MYO7A: variants seen among roughly 807,000 people sequenced by gnomAD.
The protein encoded by MYO7A is unconventional myosin-VIIa.
MYO7A carries 210 observed loss-of-function variants against 263.8 expected under a neutral mutation model. That is an observed-to-expected ratio of 0.80 (90% CI 0.71 to 0.89). The LOEUF (loss-of-function observed/expected upper bound fraction) is 0.89. Among genes scored for constraint, MYO7A ranks in the 40% least tolerant of loss-of-function variants. The pLI is 0.00. For missense variants in MYO7A, 2,820 were observed against 2,968.3 expected (o/e 0.95, Z 1.16); for synonymous variants, 1,239 against 1,197.3 (o/e 1.03, Z -0.72).
intron 4 of MYO7A, among the ~76,000 whole-genome samples, chr11:77,149,260 T>C (rs921874173): frequency 6.6e-5 from 10 of 152,166 alleles, no homozygotes; most frequent in African/African-American, 2.4e-4. Flanking sequence ...GCTGGCCTGA[T>C]TATCTCGAGA....
chr11:77,153,223 G>A (rs937860367), intron 4 of MYO7A, among the ~76,000 whole-genome samples: 1 of 152,128 alleles, frequency 6.6e-6, no homozygotes, highest in Non-Finnish European at 1.5e-5. Flanking sequence ...CCAGGGAGGC[G>A]GCATGCAGAT....
Position 77,203,134 on chromosome 11 carries a change from C to T in MYO7A, c.5243C>T (p.Thr1748Met), listed in dbSNP as rs752373714. 14 of 1,550,336 alleles carry T rather than the reference C, an allele frequency of 9.0e-6. No individual in the cohort carries two copies. The highest frequency in any genetic ancestry group is 4.1e-5 in the African/African-American group (3 of 73,072). ...GGCAAGGACCGGCTGTGGAGCCACA[C>T]GCGGGAACCGCTCAAGCAGGCGCTG... ...ARGKDRLWSH[T>M]REPLKQALLK... The change falls in exon 38 of 49, where the codon ACG (threonine) becomes ATG (methionine). Residue 1748 changes from threonine (T) to methionine (M), a missense_variant. By Grantham distance (81) the Thr-to-Met change is moderately conservative (BLOSUM62 -1). Coordinates refer to ENST00000409709, the MANE Select transcript of MYO7A (RefSeq NM_000260.4).
intron 16 of MYO7A, 22 bp from the exon 17 acceptor site, chr11:77,174,734 C>A (rs1209518140): frequency 5.1e-6 from 8 of 1,562,480 alleles, no homozygotes; most frequent in Non-Finnish European, 6.9e-6. Flanking sequence ...GGCCCTGATG[C>A]CCTTGGCTGT....
chr11:77,152,569 G>C (rs558669543), intron 4 of MYO7A, among the ~76,000 whole-genome samples: 1 of 152,120 alleles, frequency 6.6e-6, no homozygotes, highest in African/African-American at 2.4e-5. Flanking sequence ...ATTGATATCC[G>C]GGGCCTGGAG....
rs573764253 is a variant in MYO7A, at chr11:77,154,611, C to T, written c.286-1296C>T. On this transcript the variant is annotated intron_variant, in intron 4 of 48. Coordinates refer to ENST00000409709, the MANE Select transcript of MYO7A (RefSeq NM_000260.4). ...CTGCCTGCTTGGCCTGGCTGCTCCC[C>T]TCCAGCCTCCCGCCCCCACCCCACC... Among the ~76,000 whole-genome samples, 7 of 152,232 alleles carry T rather than the reference C, an allele frequency of 4.6e-5. No individual in the cohort carries two copies. In the East Asian group the frequency reaches 1.2e-3, roughly 25 times the overall value.
chr11:77,162,445 A>T, intron 13 of MYO7A, 115 bp downstream of exon 13: 1 of 1,056,304 alleles, frequency 9.5e-7, no homozygotes, highest in Non-Finnish European at 1.4e-6. Context: ...CCACCTCTCA[A>T]GTTGGCTCAG....
Position 77,160,286 on chromosome 11 carries a change from G to A in MYO7A, c.1200+4G>A. 3 of 1,556,430 alleles carry A rather than the reference G, an allele frequency of 1.9e-6. No individual in the cohort carries two copies. The highest frequency in any genetic ancestry group is 2.6e-6 in the Non-Finnish European group (3 of 1,151,016). On this transcript the variant is annotated splice_donor_region_variant and intron_variant, in intron 11 of 48. Transcript: ENST00000409709. ...CGTGCGCGACGCCTTCGTAAAGGTG[G>A]GCTGGAGGGAAGGGGCCGCTTGCTC...
chr11:77,172,817 C>A lies in MYO7A; in HGVS notation c.1867C>A (p.Arg623Ser), dbSNP rs142989331. 1 of 1,553,812 alleles carries A rather than the reference C, an allele frequency of 6.4e-7. No homozygotes were observed. Among genetic ancestry groups the A allele is most frequent in the South Asian group, 1.2e-5 (1 of 84,108 alleles). Reference protein sequence around the residue: ...QFKRSLELLMRTLGACQPFFV... With the variant: ...QFKRSLELLMSTLGACQPFFV... ...CAAGCGGTCACTGGAGCTGCTGATG[C>A]GCACGCTGGGTGCCTGCCAGCCCTT... Residue 623 changes from arginine (R) to serine (S), a missense_variant, in exon 16 of 49, where the codon CGC (arginine) becomes AGC (serine). Transcript: ENST00000409709.
Position 77,162,334 on chromosome 11 carries a change from G to A in MYO7A, c.1554+4G>A, listed in dbSNP as rs781937613. ...TGAGGAGAGCAAGTTCCCCAAGGTG[G>A]GCCGGTCCTGCTGCCGCCTCCCAGG... On this transcript the variant is annotated splice_donor_region_variant and intron_variant, in intron 13 of 48. Transcript: ENST00000409709. 3.0e-5 allele frequency: 46 copies of A among 1,551,132 alleles called. No homozygotes were observed. The South Asian group carries it at 4.9e-4, about 16-fold the overall frequency.
intron 29 of MYO7A, among the ~76,000 whole-genome samples, chr11:77,190,362 G>A (rs1027373932): frequency 6.6e-6 from 1 of 152,192 alleles, no homozygotes; most frequent in African/African-American, 2.4e-5. Context: ...CGGTCAAGAC[G>A]ACTTGGGCAA....
intron 7 of MYO7A, 41 bp from the exon 8 acceptor site, chr11:77,157,238 C>A (rs1555063700): frequency 2.6e-6 from 4 of 1,515,348 alleles, no homozygotes; most frequent in Middle Eastern, 1.7e-4. Flanking sequence ...CCTCCTCTGG[C>A]CCTCCTCCCC....
rs1389773542 is a variant in MYO7A at position 77,202,215 on chromosome 11, T to C, written c.5044-85T>C. Reference sequence around the variant, plus strand: ...CATACCCCTGAAGAGTCTCCCAGAGTCCAGAAGGCTTCAGGGTATACCATG... The same window carrying C: ...CATACCCCTGAAGAGTCTCCCAGAGCCCAGAAGGCTTCAGGGTATACCATG... On this transcript the variant is annotated intron_variant, in intron 36 of 48. Coordinates refer to ENST00000409709, the MANE Select transcript of MYO7A (RefSeq NM_000260.4). The C allele has an allele frequency of 8.9e-6, 13 of 1,456,822 alleles. No homozygotes were observed. In the African/African-American group the frequency reaches 1.7e-4, roughly 19 times the overall value. 90.2% of individuals were successfully genotyped at this position (1,456,822 alleles called of 1,614,324 possible).
chr11:77,172,206 C>T (rs1215086551), intron 15 of MYO7A, among the ~76,000 whole-genome samples: 1 of 152,240 alleles, frequency 6.6e-6, no homozygotes, highest in African/African-American at 2.4e-5. Flanking sequence ...CTTGTCACAG[C>T]CTGGTCAGAT....
intron 19 of MYO7A, 95 bp downstream of exon 19, chr11:77,177,738 G>A: frequency 1.0e-5 from 10 of 982,406 alleles, no homozygotes; most frequent in Admixed American, 4.3e-5. Context: ...TGAACACTAG[G>A]AAAAAAACGT....
intron 8 of MYO7A, 43 bp downstream of exon 8, chr11:77,157,435 A>G: frequency 7.3e-7 from 1 of 1,376,136 alleles, no homozygotes; most frequent in Non-Finnish European, 1.0e-6. Context: ...CACCCACCCT[A>G]GGATTGTAGG....
Position 77,208,415 on chromosome 11 carries a change from TG to T in MYO7A, c.5857-13del. The T allele has an allele frequency of 1.9e-6, 3 of 1,593,988 alleles. No homozygotes were observed. The highest frequency in any genetic ancestry group is 2.6e-6 in the Non-Finnish European group (3 of 1,162,874). On this transcript the variant is annotated splice_polypyrimidine_tract_variant and intron_variant, in intron 42 of 48. Transcript: ENST00000409709. ...GTTGCTTAAACTGAGTGTGCTTCGA[TG>T]GCCCTGACCCCAGGTCCTCAGCGTT...
At chr11:77,160,571 G>A (rs1952899734) in intron 11 of MYO7A, among the ~76,000 whole-genome samples, 1 of 152,158 alleles carries the variant, frequency 6.6e-6, no homozygotes, top group Admixed American at 6.5e-5. Context: ...ACAGAAGAGG[G>A]GATCTAGGTC....
At chr11:77,203,932 A>G (rs2135719168) in intron 38 of MYO7A, 144 bp from the exon 39 acceptor site, 1 of 888,942 alleles carries the variant, frequency 1.1e-6, no homozygotes, top group East Asian at 2.7e-5. Context: ...AGGGTGGGGC[A>G]GATCATGCCC....
intron 47 of MYO7A, 65 bp downstream of exon 47, chr11:77,213,100 G>A: frequency 1.5e-6 from 2 of 1,309,022 alleles, no homozygotes; most frequent in South Asian, 1.3e-5. Flanking sequence ...CACGGTCCCA[G>A]AACGAACCCC....
Sources: gnomAD v4.1 joint callset for allele counts (sites outside exome capture counted in the v4.1 genomes callset) on GRCh38, gnomAD v4.1.1 for gene constraint, MANE v1.5 for transcripts, NCBI Gene and HGNC (gene_info 2026-07-23, HGNC 2026-07-21) for gene names.